Variants in PCDH15 observed in about 807,000 individuals in gnomAD.
PCDH15 encodes protocadherin related 15, also known as protocadherin-15.
A neutral mutation model predicts 178.5 loss-of-function variants in PCDH15; 129 were observed. The ratio of observed to expected loss-of-function variants is 0.72; its 90% confidence interval spans 0.63 to 0.84. PCDH15 has a LOEUF of 0.84. Ranked by LOEUF, PCDH15 falls within the 40% of genes least tolerant of loss-of-function variation. The pLI, the probability that PCDH15 is intolerant of heterozygous loss-of-function variation, is 0.00. For synonymous variants in PCDH15, 800 were observed against 732.0 expected (o/e 1.09, Z -1.50); for missense variants, 2,230 against 2,099.9 (o/e 1.06, Z -1.21).
intron 3 of PCDH15, among the ~76,000 whole-genome samples, chr10:54,404,773 A>G (rs1415775648): frequency 2.0e-5 from 3 of 152,138 alleles, no homozygotes; most frequent in Non-Finnish European, 4.4e-5. Flanking sequence ...TCTAATATTC[A>G]GCAACTAAAA....
chr10:55,274,619 C>G (rs1489107256), intron 1 of PCDH15, among the ~76,000 whole-genome samples: 2 of 152,064 alleles, frequency 1.3e-5, no homozygotes, highest in Non-Finnish European at 2.9e-5. Context: ...CAGCTTACCA[C>G]TTTTTTCCAA....
At chr10:54,666,929 A>C (rs4935535) in intron 1 of PCDH15, among the ~76,000 whole-genome samples, 40,382 of 151,846 alleles carry the variant, frequency 0.27, 5,769 homozygotes, top group African/African-American at 0.35. Flanking sequence ...TAAAAACAAC[A>C]TGATGGATCA....
intron 1 of PCDH15, among the ~76,000 whole-genome samples, chr10:55,282,650 A>T (rs144592971): frequency 0.016 from 2,487 of 152,218 alleles, 72 homozygotes; most frequent in African/African-American, 0.057. Flanking sequence ...TACAAATATA[A>T]TTTTTTGTTC....
chr10:55,190,502 T>C (rs1839919747), intron 1 of PCDH15, among the ~76,000 whole-genome samples: 1 of 151,740 alleles, frequency 6.6e-6, no homozygotes, highest in South Asian at 2.1e-4. Flanking sequence ...ACATTAGCTA[T>C]AGGTCAAAAT....
At chr10:54,966,392 T>C (rs1170864629) in intron 2 of PCDH15, among the ~76,000 whole-genome samples, 1 of 152,140 alleles carries the variant, frequency 6.6e-6, no homozygotes, top group Non-Finnish European at 1.5e-5. Context: ...TTAGGTGATT[T>C]GTTCACTGAA....
At position 54,029,871 on chromosome 10, in the gene PCDH15, C is replaced by A. The variant is rs558264367; in HGVS notation, c.2221-6674G>T. 5.1e-4 allele frequency among the ~76,000 whole-genome samples: 77 copies of A among 152,088 alleles called. 1 individual carries two copies. Among genetic ancestry groups the A allele is most frequent in the South Asian group, 4.2e-3 (20 of 4,816 alleles). ...TTTGCTACCCTGGGGGTTACCAGTC[C>A]TGTAGAGAAGACCTTAAAGCATGCC... On this transcript the variant is annotated intron_variant, in intron 18 of 37. Coordinates refer to ENST00000644397, the MANE Select transcript of PCDH15 (RefSeq NM_001384140.1).
At chr10:54,854,764 A>G (rs1953706416) in intron 3 of PCDH15, among the ~76,000 whole-genome samples, 1 of 152,046 alleles carries the variant, frequency 6.6e-6, no homozygotes, top group African/African-American at 2.4e-5. Flanking sequence ...TGATTGGTCC[A>G]TTAGTGGCCA....
chr10:54,616,604 A>T (rs1363103109), intron 2 of PCDH15, among the ~76,000 whole-genome samples: 2 of 152,050 alleles, frequency 1.3e-5, no homozygotes, highest in Non-Finnish European at 2.9e-5. Flanking sequence ...TTTTTTTAAA[A>T]AATTAACTCT....
intron 25 of PCDH15, among the ~76,000 whole-genome samples, chr10:53,911,524 A>T (rs2133775574): frequency 6.6e-6 from 1 of 152,338 alleles, no homozygotes; most frequent in African/African-American, 2.4e-5. Context: ...TCTAAAATTG[A>T]CACCCTAACA....
At chr10:54,006,547 T>C (rs2135095150) in intron 20 of PCDH15, among the ~76,000 whole-genome samples, 1 of 152,310 alleles carries the variant, frequency 6.6e-6, no homozygotes, top group Middle Eastern at 3.4e-3. Context: ...TCCTGGTCTC[T>C]CAAGCATCAG....
In PCDH15 at chr10:55,325,767, A is replaced by C. The variant is rs139050702; in HGVS notation, c.-155-159116T>G. ...AGCAAAACAAAACAAACAAACAACA[A>C]CACCAACAACACAATCTATCAACAG... On this transcript the variant is annotated intron_variant, in intron 2 of 5. Transcript: ENST00000613346. Among the ~76,000 whole-genome samples, 917 of 152,130 alleles carry C rather than the reference A, an allele frequency of 6.0e-3. 10 individuals carry two copies. The highest frequency in any genetic ancestry group is 0.02 in the African/African-American group (833 of 41,498).
chr10:54,869,290 C>T (rs1395687294), intron 3 of PCDH15, among the ~76,000 whole-genome samples: 1 of 152,124 alleles, frequency 6.6e-6, no homozygotes, highest in African/African-American at 2.4e-5. Context: ...CTGGAAGAAA[C>T]TAAGAAGGAC....
chr10:55,571,624 A>T (rs1842409027), intron 2 of PCDH15, among the ~76,000 whole-genome samples: 1 of 152,078 alleles, frequency 6.6e-6, no homozygotes, highest in South Asian at 2.1e-4. Context: ...TAATCTTTCA[A>T]AATCTGTTAT....
chr10:53,897,959 C>CTTTTTTTTTTGTT (rs2082066778), intron 26 of PCDH15, among the ~76,000 whole-genome samples: 1 of 82,412 alleles, frequency 1.2e-5, no homozygotes, highest in African/African-American at 5.4e-5. Flanking sequence ...TTTCTTTTCC[C>CTTTTTTTTTTGTT]TTTTTTTTTT....
intron 2 of PCDH15, among the ~76,000 whole-genome samples, chr10:54,539,000 G>T (rs1468834079): frequency 6.6e-6 from 1 of 152,126 alleles, no homozygotes; most frequent in East Asian, 1.9e-4. Flanking sequence ...TGAATCTCTT[G>T]ATTGCTTTAG....
chr10:55,574,266 G>A (rs1364379947), intron 2 of PCDH15, among the ~76,000 whole-genome samples: 2 of 151,934 alleles, frequency 1.3e-5, no homozygotes, highest in African/African-American at 4.8e-5. Flanking sequence ...TGAAATAGTG[G>A]TAATTCGTAG....
At chr10:54,965,589 G>T (rs1354778037) in intron 2 of PCDH15, among the ~76,000 whole-genome samples, 3 of 135,470 alleles carry the variant, frequency 2.2e-5, no homozygotes, top group Non-Finnish European at 4.6e-5. Flanking sequence ...GCATAGTATG[G>T]TTTTGTGAAA....
chr10:54,071,562 G>A (rs1465211073), intron 17 of PCDH15, among the ~76,000 whole-genome samples: 1 of 151,980 alleles, frequency 6.6e-6, no homozygotes, highest in Non-Finnish European at 1.5e-5. Context: ...TATATTTTGT[G>A]TGCATCTCAT....
chr10:53,822,162 G>T, intron 32 of PCDH15: 1 of 1,614,004 alleles, frequency 6.2e-7, no homozygotes, highest in Non-Finnish European at 8.5e-7. Flanking sequence ...AATTTTCTCG[G>T]CAGGCATCAA....
Sources: gnomAD v4.1 joint callset for allele counts (sites outside exome capture counted in the v4.1 genomes callset) on GRCh38, gnomAD v4.1.1 for gene constraint, MANE v1.5 for transcripts, NCBI Gene and HGNC (gene_info 2026-07-23, HGNC 2026-07-21) for gene names.